The following LONP2 variants were observed in gnomAD, a reference collection of about 807,000 sequenced individuals.
The protein encoded by LONP2 is lon peptidase 2, peroxisomal.
In LONP2, 60 loss-of-function variants were observed where a neutral mutation model predicts 85.6. The observed-to-expected ratio is 0.70, with a 90% CI of 0.57 to 0.87. LONP2 has a LOEUF of 0.87. Ranked by LOEUF, LONP2 falls within the 40% of genes least tolerant of loss-of-function variation. LONP2 has a pLI of 0.00. For missense variants in LONP2, 860 were observed against 1,063.5 expected (o/e 0.81, Z 2.66); for synonymous variants, 395 against 389.7 (o/e 1.01, Z -0.16).
chr16:48,347,668 T>TATC lies in LONP2; in HGVS notation c.2102_2104dup (p.Ile701dup). The TATC allele has an allele frequency of 6.2e-7, 1 of 1,614,158 alleles. No individual in the cohort carries two copies. The highest frequency in any genetic ancestry group is 8.5e-7 in the Non-Finnish European group (1 of 1,180,018). On this transcript the variant is annotated inframe_insertion, in exon 13 of 15. Transcript: ENST00000285737. ...TGATGAAGGAGTCCGCCCACCTCGC[T>TATC]ATCAGCTGGCTCCGCAGCAACGCAA...
intron 10 of LONP2, among the ~76,000 whole-genome samples, chr16:48,301,336 TTTTA>T (rs941244527): frequency 6.6e-6 from 1 of 152,230 alleles, no homozygotes; most frequent in South Asian, 2.1e-4. Context: ...AAGATATTCT[TTTTA>T]TTTATTTATT....
chr16:48,348,534 G>A (rs529824520), intron 14 of LONP2, among the ~76,000 whole-genome samples: 1 of 114,940 alleles, frequency 8.7e-6, no homozygotes, highest in Non-Finnish European at 1.6e-5. Context: ...TCACTCTGTT[G>A]CCCAGGCTGG....
rs535516550 is a variant in LONP2 at position 48,356,512 on chromosome 16, TAA to T, written c.*4730_*4731del. 0.023 allele frequency: 1,907 copies of T among 82,072 alleles called. 27 individuals carry two copies. The highest frequency in any genetic ancestry group is 0.062 in the African/African-American group (1,563 of 25,120). 5.1% of individuals were successfully genotyped at this position (82,072 alleles called of 1,614,324 possible). On this transcript the variant is annotated 3_prime_UTR_variant, in exon 15 of 15. Transcript: ENST00000285737. ...TGCCATGAAAATTGTATCCAGCAGC[TAA>T]AAAAAAAAAAAAAAAAAAAGACTAC... is the stretch of plus-strand genomic sequence containing the variant.
At chr16:48,359,367 C>T (rs968401476), downstream of LONP2, among the ~76,000 whole-genome samples, 4 of 152,186 alleles carry the variant, frequency 2.6e-5, no homozygotes, top group African/African-American at 7.2e-5. Context: ...TCCAAGCACA[C>T]ATGCTAATGA....
chr16:48,249,520 G>A (rs1036980319), intron 1 of LONP2, among the ~76,000 whole-genome samples: 6 of 152,166 alleles, frequency 3.9e-5, no homozygotes, highest in Non-Finnish European at 8.8e-5. Context: ...TTCACCCACA[G>A]TGTCTCACCA....
At chr16:48,298,326 C>G (rs542551805) in intron 9 of LONP2, among the ~76,000 whole-genome samples, 1 of 151,920 alleles carries the variant, frequency 6.6e-6, no homozygotes, top group Non-Finnish European at 1.5e-5. Context: ...TTTTGTCTTA[C>G]GGGATTTAGA....
At chr16:48,318,560 G>A (rs1596980277) in intron 11 of LONP2, among the ~76,000 whole-genome samples, 1 of 152,228 alleles carries the variant, frequency 6.6e-6, no homozygotes. Flanking sequence ...TAAAATATTT[G>A]AATTTTACAG....
intron 8 of LONP2, among the ~76,000 whole-genome samples, chr16:48,284,343 C>T (rs764076242): frequency 6.6e-6 from 1 of 152,112 alleles, no homozygotes; most frequent in Non-Finnish European, 1.5e-5. Context: ...AGAAATTCTA[C>T]GGTGGGCAAA....
chr16:48,303,326 A>C, intron 11 of LONP2, 21 bp downstream of exon 11: 1 of 1,609,852 alleles, frequency 6.2e-7, no homozygotes, highest in East Asian at 2.2e-5. Context: ...TTGTTCTGGC[A>C]TTCTCAGGCC....
downstream of LONP2, chr16:48,361,567 TTTGA>T: frequency 2.5e-6 from 4 of 1,609,190 alleles, no homozygotes; most frequent in Non-Finnish European, 3.4e-6. Flanking sequence ...CCAGAAAATG[TTTGA>T]TTGCCATTTC....
intron 11 of LONP2, among the ~76,000 whole-genome samples, chr16:48,307,250 G>A (rs1972930515): frequency 6.6e-6 from 1 of 152,188 alleles, no homozygotes. Context: ...TTAAAAGAAT[G>A]CTGCCTCTGT....
At chr16:48,274,310 C>A (rs1397282080) in intron 7 of LONP2, among the ~76,000 whole-genome samples, 2 of 152,002 alleles carry the variant, frequency 1.3e-5, no homozygotes, top group Non-Finnish European at 2.9e-5. Context: ...ATAAAAAGTA[C>A]AAGCTTTCTC....
chr16:48,263,081 A>G (rs1281587464), intron 6 of LONP2, among the ~76,000 whole-genome samples: 4 of 152,226 alleles, frequency 2.6e-5, no homozygotes, highest in African/African-American at 7.2e-5. Flanking sequence ...CAGAATAAGT[A>G]TACACCCATG....
intron 11 of LONP2, among the ~76,000 whole-genome samples, chr16:48,326,381 ACTT>A (rs1010776412): frequency 6.6e-6 from 1 of 152,164 alleles, no homozygotes; most frequent in Admixed American, 6.5e-5. Flanking sequence ...GAAAATGAAC[ACTT>A]CTTTGATAAT....
chr16:48,325,111 G>A (rs767629075), intron 11 of LONP2, among the ~76,000 whole-genome samples: 5 of 152,066 alleles, frequency 3.3e-5, no homozygotes, highest in South Asian at 2.1e-4. Flanking sequence ...CTTCCACCTC[G>A]GATCATCAGC....
intron 2 of LONP2, among the ~76,000 whole-genome samples, chr16:48,256,000 G>A (rs892812273): frequency 1.3e-5 from 2 of 152,130 alleles, no homozygotes; most frequent in Admixed American, 6.5e-5. Flanking sequence ...CGTGATAATA[G>A]CATCAACTAT....
chr16:48,244,694 C>CT, intron 1 of LONP2, 73 bp downstream of exon 1: 1 of 1,084,204 alleles, frequency 9.2e-7, no homozygotes, highest in Non-Finnish European at 1.2e-6. Context: ...AGGCCACGGC[C>CT]TGCCTTGAGC....
At chr16:48,254,651 T>G (rs944560817) in intron 2 of LONP2, among the ~76,000 whole-genome samples, 23 of 152,196 alleles carry the variant, frequency 1.5e-4, no homozygotes, top group Admixed American at 3.3e-4. Flanking sequence ...TAAAATTGAA[T>G]CTATGCTTTC....
chr16:48,343,752 C>T (rs534945256), intron 12 of LONP2: 1 of 151,976 alleles, frequency 6.6e-6, no homozygotes, highest in East Asian at 1.9e-4. Flanking sequence ...TAGATTTTTA[C>T]TTAAATATTT....
Sources: gnomAD v4.1 joint callset for allele counts (sites outside exome capture counted in the v4.1 genomes callset) on GRCh38, gnomAD v4.1.1 for gene constraint, MANE v1.5 for transcripts, NCBI Gene and HGNC (gene_info 2026-07-23, HGNC 2026-07-21) for gene names.